The following FAM20A variants were observed in gnomAD, a reference collection of about 807,000 sequenced individuals.
FAM20A encodes the protein pseudokinase FAM20A.
Under a neutral mutation model 52.0 loss-of-function variants are expected in FAM20A, and 42 were observed. The ratio of observed to expected loss-of-function variants is 0.81; its 90% CI spans 0.63 to 1.04. The LOEUF is 1.04. Among genes scored for constraint, FAM20A ranks in the 50% least tolerant of loss-of-function variants. The pLI is 0.00. For missense variants in FAM20A, 742 were observed against 712.7 expected (o/e 1.04, Z -0.47); for synonymous variants, 304 against 298.9 (o/e 1.02, Z -0.18).
chr17:68,600,545 G>A lies in FAM20A; in HGVS notation c.122C>T (p.Pro41Leu), dbSNP rs777715477. 4 of 1,558,876 alleles carry A rather than the reference G, an allele frequency of 2.6e-6. No homozygotes were observed. The highest frequency in any genetic ancestry group is 2.7e-5 in the African/African-American group (2 of 73,550). ...VQRQLRPRER[P>L]RGCPCTGRAS... is the part of the protein sequence containing the mutation. Reference sequence around the variant, plus strand: ...GCGGCCGGTGCACGGGCACCCCCGCGGGCGCTCCCGAGGCCGCAGCTGGCG... The same window carrying A: ...GCGGCCGGTGCACGGGCACCCCCGCAGGCGCTCCCGAGGCCGCAGCTGGCG... Residue 41 changes from proline (P) to leucine (L), a missense_variant, in exon 1 of 11, where the codon CCG (proline) becomes CTG (leucine). Coordinates refer to ENST00000592554, the MANE Select transcript of FAM20A (RefSeq NM_017565.4). This position sits in a 1 kb window ranked among gnomAD's most constrained non-coding sequence, Gnocchi z 6.2.
intron 1 of FAM20A, among the ~76,000 whole-genome samples, chr17:68,592,070 G>A (rs2088329024): frequency 6.6e-6 from 1 of 152,134 alleles, no homozygotes; most frequent in African/African-American, 2.4e-5. Flanking sequence ...AGGGAAAAAT[G>A]GACCTCACCA....
chr17:68,575,694 T>TTA (rs933555664), intron 1 of FAM20A, among the ~76,000 whole-genome samples: 4 of 125,818 alleles, frequency 3.2e-5, no homozygotes, highest in Non-Finnish European at 6.3e-5. Flanking sequence ...ATATTTTATA[T>TTA]TATATATATT....
intron 1 of FAM20A, chr17:68,590,152 T>TTCAA (rs2088265674): frequency 1.3e-5 from 2 of 152,162 alleles, no homozygotes; most frequent in African/African-American, 4.8e-5. Flanking sequence ...AAAGTGAAAA[T>TTCAA]TCAATCAATC....
At chr17:68,551,136 C>A in intron 4 of FAM20A, 1 of 1,233,826 alleles carries the variant, frequency 8.1e-7, no homozygotes, top group Non-Finnish European at 1.0e-6. Context: ...GCACTGGGGC[C>A]GAACTCTAGG....
rs1411690458 is a variant in FAM20A at position 68,542,183 on chromosome 17, G to C, written c.929-18C>G. Reference sequence around the variant, plus strand: ...GTTGCTCGCTGGAGGATGGGGAGGAGAGAGGAGGAGTAAGTGGAGGGCTCT... The same window carrying C: ...GTTGCTCGCTGGAGGATGGGGAGGACAGAGGAGGAGTAAGTGGAGGGCTCT... On this transcript the variant is annotated intron_variant, in intron 6 of 10. Coordinates refer to ENST00000592554, the MANE Select transcript of FAM20A (RefSeq NM_017565.4). 12 of 1,613,460 alleles carry C rather than the reference G, an allele frequency of 7.4e-6. No individual in the cohort carries two copies. The highest frequency in any genetic ancestry group is 1.3e-5 in the African/African-American group (1 of 74,918).
chr17:68,541,672 TG>T (rs2086301476), intron 7 of FAM20A: 2 of 215,144 alleles, frequency 9.3e-6, no homozygotes, highest in Admixed American at 6.1e-5. Context: ...TGCTGTGCTG[TG>T]TTTTCGTGAT....
intron 2 of FAM20A, 25 bp downstream of exon 2, chr17:68,555,534 C>T (rs775745660): frequency 1.2e-6 from 2 of 1,611,898 alleles, no homozygotes; most frequent in Admixed American, 1.7e-5. Context: ...GTCAGTCCCC[C>T]CTTGCTTGAT....
rs1298951116 is a variant in FAM20A at position 68,551,880 on chromosome 17, G to A, written c.712C>T (p.Pro238Ser). ...AGGAAGGCAGTCACTTACCTCATGG[G>A]TTTGAACATGGCCTTCCCGAAATCC... Reference protein sequence around the residue: ...FSDFGKAMFKPMRQQRDEETP... With the variant: ...FSDFGKAMFKSMRQQRDEETP... The change falls in exon 4 of 11, where the codon CCC (proline) becomes TCC (serine). Residue 238 changes from proline to serine, a missense_variant. Physicochemically the swap from Pro to Ser is moderately conservative, Grantham distance 74. Coordinates refer to ENST00000592554, the MANE Select transcript of FAM20A (RefSeq NM_017565.4). 6.3e-7 allele frequency: 1 copy of A among 1,582,068 alleles called. No homozygotes were observed. Among genetic ancestry groups the A allele is most frequent in the Non-Finnish European group, 8.6e-7 (1 of 1,161,980 alleles).
At chr17:68,581,438 T>TTTC (rs1267134004) in intron 1 of FAM20A, among the ~76,000 whole-genome samples, 151 of 131,554 alleles carry the variant, frequency 1.1e-3, no homozygotes, top group African/African-American at 4.0e-3. Context: ...TTTCTTTCTT[T>TTTC]TCTTTTTTTC....
chr17:68,582,641 T>A (rs570873505), intron 1 of FAM20A: 2 of 152,350 alleles, frequency 1.3e-5, no homozygotes, highest in East Asian at 3.9e-4. Context: ...GCTCAGTGTG[T>A]TCTGTACATG....
intron 1 of FAM20A, among the ~76,000 whole-genome samples, chr17:68,588,896 T>C (rs566879725): frequency 6.6e-6 from 1 of 152,222 alleles, no homozygotes; most frequent in African/African-American, 2.4e-5. Context: ...TGGCACGGGG[T>C]CTTACCACTA....
At position 68,543,635 on chromosome 17, in the gene FAM20A, A is replaced by G; in HGVS notation, c.806T>C (p.Leu269Pro). Residue 269 changes from leucine to proline, a missense_variant, in exon 5 of 11, where the codon CTG becomes CCG. Transcript: ENST00000592554. Reference protein sequence around the residue: ...RHNAEIAAFHLDRILDFRRVP... With the variant: ...RHNAEIAAFHPDRILDFRRVP... ...CCATGGGGCCAGACCCTACCTGTCCAGATGGAAAGCTGCGATCTCAGCATT... is the reference window on the plus strand; with the variant it reads ...CCATGGGGCCAGACCCTACCTGTCCGGATGGAAAGCTGCGATCTCAGCATT... 1.2e-6 allele frequency: 2 copies of G among 1,614,098 alleles called. No individual in the cohort carries two copies. Among genetic ancestry groups the G allele is most frequent in the Non-Finnish European group, 1.7e-6 (2 of 1,179,956 alleles).
intron 1 of FAM20A, among the ~76,000 whole-genome samples, chr17:68,559,815 C>G (rs1295666060): frequency 6.6e-6 from 1 of 152,126 alleles, no homozygotes; most frequent in Non-Finnish European, 1.5e-5. Context: ...AATATAAAAT[C>G]CGCACTGTTC....
chr17:68,573,532 CTTCCTTTCT>C lies in FAM20A; in HGVS notation c.405-17798_405-17790del, dbSNP rs1185065004. Among the ~76,000 whole-genome samples the C allele has an allele frequency of 3.5e-3, 499 of 143,678 alleles. 2 individuals are homozygous for C. Among genetic ancestry groups the C allele is most frequent in the Non-Finnish European group, 4.9e-3 (325 of 66,360 alleles). 94.3% of individuals were successfully genotyped at this position (143,678 alleles called of 152,430 possible). A position where few individuals can be genotyped will look rare whatever the true frequency, so the allele number is the denominator to read the frequency against. On this transcript the variant is annotated intron_variant, in intron 1 of 10. Transcript: ENST00000592554. ...TCTCTTTTCCTTCTTTCCTTCCTTCCTTCCTTTCTTTCCTTTCTTTCCCTCTCTTTCTCT... is the reference window on the plus strand; with the variant it reads ...TCTCTTTTCCTTCTTTCCTTCCTTCCTTCCTTTCTTTCCCTCTCTTTCTCT...
At position 68,556,939 on chromosome 17, in the gene FAM20A, G is replaced by C. The variant is rs7222642; in HGVS notation, c.405-1196C>G. 4.2e-3 allele frequency among the ~76,000 whole-genome samples: 642 copies of C among 152,162 alleles called. 7 individuals carry two copies. The highest frequency in any genetic ancestry group is 0.015 in the African/African-American group (626 of 41,512). ...CGTGTCCAATTTTCTCATTGGTGGA[G>C]AGTTTTAAAAATTACCACTTTGGGA... On this transcript the variant is annotated intron_variant, in intron 1 of 10. Transcript: ENST00000592554.
chr17:68,584,149 T>G (rs1244695190), intron 1 of FAM20A, among the ~76,000 whole-genome samples: 1 of 151,750 alleles, frequency 6.6e-6, no homozygotes. Flanking sequence ...AAACCCTGCC[T>G]CTACTAAAAA....
intron 1 of FAM20A, among the ~76,000 whole-genome samples, chr17:68,578,958 T>C (rs2087859656): frequency 7.1e-6 from 1 of 140,282 alleles, no homozygotes; most frequent in Non-Finnish European, 1.5e-5. Context: ...GAGGTTGCAA[T>C]GAGCAGAGAT....
Position 68,542,681 on chromosome 17 carries a change from G to A in FAM20A, c.928+13C>T, listed in dbSNP as rs1422458355. On this transcript the variant is annotated intron_variant, in intron 6 of 10. Coordinates refer to ENST00000592554, the MANE Select transcript of FAM20A (RefSeq NM_017565.4). ...TACTCAGACCCGGAATATCACTCGG[G>A]CCAGTACTCTACCTGGAGAGACAAA... 6.3e-7 allele frequency: 1 copy of A among 1,594,054 alleles called. No homozygotes were observed. The highest frequency in any genetic ancestry group is 8.6e-7 in the Non-Finnish European group (1 of 1,161,916).
In FAM20A at chr17:68,567,278, T is replaced by C. The variant is rs139332116; in HGVS notation, c.405-11535A>G. The stretch of plus-strand genomic sequence containing the variant: ...TGTAAACGAACAGGCAAAGCTGTGT[T>C]CTAATGCTGCTTTTTTTGTTTGTTT... On this transcript the variant is annotated intron_variant, in intron 1 of 10. Coordinates refer to ENST00000592554, the MANE Select transcript of FAM20A (RefSeq NM_017565.4). 1.2e-4 allele frequency among the ~76,000 whole-genome samples: 18 copies of C among 152,094 alleles called. No homozygotes were observed. The East Asian group carries it at 3.3e-3, about 28-fold the overall frequency.
Sources: allele counts gnomAD v4.1 joint callset (sites outside exome capture counted in the v4.1 genomes callset), GRCh38; gene constraint gnomAD v4.1.1; non-coding constraint Gnocchi (gnomAD v3.1); transcripts MANE v1.5; gene names NCBI Gene and HGNC (gene_info 2026-07-23, HGNC 2026-07-21).